APBA1: variants seen among roughly 807,000 people sequenced by gnomAD.
The protein encoded by APBA1 is amyloid-beta A4 precursor protein-binding family A member 1.
Under a neutral mutation model 86.6 loss-of-function variants are expected in APBA1, and 55 were observed. The ratio of observed to expected loss-of-function variants is 0.64; its 90% confidence interval spans 0.51 to 0.80. APBA1 has a LOEUF of 0.80. Among genes scored for constraint, APBA1 ranks in the 30% least tolerant of loss-of-function variants. The pLI, the probability that APBA1 is intolerant of heterozygous loss-of-function variation, is 0.00. For synonymous variants in APBA1, 511 were observed against 493.9 expected (o/e 1.03, Z -0.46); for missense variants, 1,090 against 1,183.0 (o/e 0.92, Z 1.15).
At chr9:69,631,884 C>G (rs1395983608) in intron 1 of APBA1, among the ~76,000 whole-genome samples, 1 of 152,118 alleles carries the variant, frequency 6.6e-6, no homozygotes, top group Non-Finnish European at 1.5e-5. Context: ...GGGTGGGGAA[C>G]ATCACACACT....
chr9:69,649,003 G>A (rs1024828581), intron 1 of APBA1, among the ~76,000 whole-genome samples: 1 of 152,122 alleles, frequency 6.6e-6, no homozygotes, highest in Non-Finnish European at 1.5e-5. Context: ...CAGAACCTGG[G>A]AGTCATCCTT....
In APBA1 at chr9:69,516,121, T is replaced by A. The variant is rs1365288548; in HGVS notation, c.1090A>T (p.Thr364Ser). ...TCGGGGGTGTAAGGCGAACGGATGG[T>A]CCTGGTTTTCACCTCCTCGATGGCC... ...KEAIEEVKTR[T>S]IRSPYTPDEP... Residue 364 changes from threonine (T) to serine (S), a missense_variant, in exon 2 of 13, where the codon ACC becomes TCC. Thr to Ser is a moderately conservative substitution (Grantham distance 58). Around this residue, in one of 6 missense-constraint regions of APBA1, gnomAD observed 678 missense variants for 647.1 expected, o/e 1.05. Coordinates refer to ENST00000265381, the MANE Select transcript of APBA1 (RefSeq NM_001163.4). The surrounding 1 kb of genome is among the most constrained non-coding windows in gnomAD (Gnocchi z 7.3). 2.5e-6 allele frequency: 4 copies of A among 1,613,548 alleles called. No individual in the cohort carries two copies. The South Asian group carries it at 4.4e-5, about 18-fold the overall frequency.
At chr9:69,606,757 G>A (rs542496137) in intron 1 of APBA1, among the ~76,000 whole-genome samples, 516 of 152,210 alleles carry the variant, frequency 3.4e-3, no homozygotes, top group Non-Finnish European at 5.6e-3. Context: ...CTCCCAAAGT[G>A]CTGGGATTAC....
chr9:69,511,817 G>T (rs1428099365), intron 2 of APBA1, among the ~76,000 whole-genome samples: 4 of 151,702 alleles, frequency 2.6e-5, no homozygotes, highest in Non-Finnish European at 4.4e-5. Flanking sequence ...GTAAACTATC[G>T]CAAGAACAGA....
At chr9:69,434,924 T>A (rs1834676219) in intron 11 of APBA1, among the ~76,000 whole-genome samples, 1 of 149,068 alleles carries the variant, frequency 6.7e-6, no homozygotes, top group Non-Finnish European at 1.5e-5. Context: ...TAGGTATATC[T>A]CCTAATGCTA....
chr9:69,565,302 T>A (rs1837008351), intron 1 of APBA1, among the ~76,000 whole-genome samples: 1 of 151,998 alleles, frequency 6.6e-6, no homozygotes, highest in South Asian at 2.1e-4. Flanking sequence ...GACCCCAGCC[T>A]CCACATGCCA....
At chr9:69,494,042 A>G (rs1376056634) in intron 2 of APBA1, among the ~76,000 whole-genome samples, 2 of 152,090 alleles carry the variant, frequency 1.3e-5, no homozygotes, top group African/African-American at 2.4e-5. Flanking sequence ...TAAGAAATCC[A>G]TAATTATTCA....
chr9:69,435,336 T>A (rs1467146866), intron 11 of APBA1, among the ~76,000 whole-genome samples: 1 of 152,066 alleles, frequency 6.6e-6, no homozygotes, highest in East Asian at 1.9e-4. Flanking sequence ...GGTCAAATGG[T>A]ATTTCTAGTT....
rs764631552 is a variant in APBA1 at position 69,516,099 on chromosome 9, G to C, written c.1112C>G (p.Pro371Arg). 3.1e-6 allele frequency: 5 copies of C among 1,613,450 alleles called. 1 individual carries two copies. The South Asian group carries it at 5.5e-5, about 18-fold the overall frequency. ...CCAGATGGGCTCTTTGGGCTCGTCG[G>C]GGGTGTAAGGCGAACGGATGGTCCT... is the stretch of plus-strand genomic sequence containing the variant. The part of the protein sequence containing the change: ...KTRTIRSPYT[P>R]DEPKEPIWVM... Residue 371 changes from proline to arginine, a missense_variant, in exon 2 of 13, where the codon CCC (proline) becomes CGC (arginine). Transcript: ENST00000265381. The surrounding 1 kb of genome is among the most constrained non-coding windows in gnomAD (Gnocchi z 7.3).
intron 1 of APBA1, among the ~76,000 whole-genome samples, chr9:69,533,345 C>A (rs765167699): frequency 3.9e-4 from 59 of 152,036 alleles, no homozygotes; most frequent in South Asian, 8.3e-4. Flanking sequence ...GATGTTTGAA[C>A]CATGAGCCTA....
At chr9:69,456,760 A>G (rs886411488) in intron 7 of APBA1, among the ~76,000 whole-genome samples, 1 of 152,014 alleles carries the variant, frequency 6.6e-6, no homozygotes, top group African/African-American at 2.4e-5. Flanking sequence ...AATGTAAGAG[A>G]TTTTAAATAA....
intron 1 of APBA1, among the ~76,000 whole-genome samples, chr9:69,540,158 A>ACAAC (rs1554698954): frequency 6.7e-6 from 1 of 148,238 alleles, no homozygotes; most frequent in Non-Finnish European, 1.5e-5. Context: ...AACAACAACA[A>ACAAC]AAGTCACCTT....
intron 10 of APBA1, 138 bp downstream of exon 10, chr9:69,449,446 T>C (rs1281236172): frequency 1.3e-6 from 1 of 775,672 alleles, no homozygotes; most frequent in Non-Finnish European, 2.2e-6. Flanking sequence ...TGAGTGCAAG[T>C]CCACGCCTTT....
chr9:69,660,098 A>G (rs1204294898), intron 1 of APBA1, among the ~76,000 whole-genome samples: 1 of 152,236 alleles, frequency 6.6e-6, no homozygotes, highest in Non-Finnish European at 1.5e-5. Flanking sequence ...CAGCCCTGCC[A>G]TAATTCCAGC....
At position 69,456,525 on chromosome 9, in the gene APBA1, G is replaced by T. The variant is rs1215433533; in HGVS notation, c.1603-93C>A. The stretch of plus-strand genomic sequence containing the variant: ...CCTTACAGCCAGTCAAGTATGGTTC[G>T]CATGCAGGGTGGGCTCCAGGGCTCA... On this transcript the variant is annotated intron_variant, in intron 7 of 12. Coordinates refer to ENST00000265381, the MANE Select transcript of APBA1 (RefSeq NM_001163.4). 6.7e-6 allele frequency: 9 copies of T among 1,345,156 alleles called. No individual in the cohort carries two copies. In the East Asian group the frequency reaches 1.6e-4, roughly 24 times the overall value. The allele number at this position is 1,345,156 out of a possible 1,614,324, so 83.3% of individuals were successfully genotyped here. A position where few individuals can be genotyped will look rare whatever the true frequency, so the allele number is the denominator to read the frequency against.
chr9:69,499,666 CAA>C (rs71356111), intron 2 of APBA1, among the ~76,000 whole-genome samples: 22,319 of 142,994 alleles, frequency 0.16, 2,238 homozygotes, highest in East Asian at 0.29. Context: ...AGCAACGGTC[CAA>C]AAAAAAAAAA....
In APBA1 at chr9:69,482,901, T is replaced by C. The variant is rs943543437; in HGVS notation, c.1201-6758A>G. On this transcript the variant is annotated intron_variant, in intron 2 of 12. Coordinates refer to ENST00000265381, the MANE Select transcript of APBA1 (RefSeq NM_001163.4). ...AAAAAACACCGCATATTCTCACTCA[T>C]AGGTGGGAATTGAACAATGAGATCG... Among the ~76,000 whole-genome samples the C allele has an allele frequency of 1.6e-4, 23 of 139,538 alleles. 1 individual carries two copies. Among genetic ancestry groups the C allele is most frequent in the African/African-American group, 6.2e-4 (23 of 37,072 alleles). The allele number at this position is 139,538 out of a possible 152,430, so 91.5% of individuals were successfully genotyped here. A position where few individuals can be genotyped will look rare whatever the true frequency, so the allele number is the denominator to read the frequency against.
At chr9:69,436,930 ATTATT>A (rs1197575235) in intron 11 of APBA1, among the ~76,000 whole-genome samples, 2 of 152,006 alleles carry the variant, frequency 1.3e-5, no homozygotes, top group Non-Finnish European at 2.9e-5. Flanking sequence ...GATAGCTCTT[ATTATT>A]TTGAGATACA....
At chr9:69,616,404 G>C (rs1303809853) in intron 1 of APBA1, among the ~76,000 whole-genome samples, 1 of 152,168 alleles carries the variant, frequency 6.6e-6, no homozygotes, top group Non-Finnish European at 1.5e-5. Flanking sequence ...ATGGTCATTT[G>C]ATTGATGCAA....
Sources: allele counts gnomAD v4.1 joint callset (sites outside exome capture counted in the v4.1 genomes callset), GRCh38; gene constraint gnomAD v4.1.1; regional missense constraint gnomAD v4.1.1; non-coding constraint Gnocchi (gnomAD v3.1); transcripts MANE v1.5; gene names NCBI Gene and HGNC (gene_info 2026-07-23, HGNC 2026-07-21).